The following SKIC3 variants were observed in gnomAD, a reference collection of about 807,000 sequenced individuals.
SKIC3 encodes superkiller complex protein 3.
At chr5:95,482,536 A>G in the SKIC3 span, 1 of 1,614,064 alleles carries the variant, frequency 6.2e-7, no homozygotes, top group Non-Finnish European at 8.5e-7. Flanking sequence ...CAAGTACAGC[A>G]TCTGGGAGTG....
At chr5:95,519,523 T>C in the SKIC3 span, among the ~76,000 whole-genome samples, 773 of 152,036 alleles carry the variant, frequency 5.1e-3, 4 homozygotes, top group Non-Finnish European at 8.3e-3. Flanking sequence ...CTAAATATCT[T>C]AGCAAAATTT....
At chr5:95,494,854 T>A in the SKIC3 span, 10 of 1,598,930 alleles carry the variant, frequency 6.3e-6, no homozygotes, top group Non-Finnish European at 8.6e-6. Context: ...TCAAACTGAC[T>A]AAAAGACTCT....
chr5:95,502,375 G>A, the SKIC3 span, among the ~76,000 whole-genome samples: 77 of 152,236 alleles, frequency 5.1e-4, no homozygotes, highest in African/African-American at 1.8e-3. Context: ...CTTCAGTGAA[G>A]TTAAATAGTA....
chr5:95,484,769 T>A, the SKIC3 span: 2 of 1,614,204 alleles, frequency 1.2e-6, no homozygotes. Flanking sequence ...CTGTGTCTAT[T>A]AGACCAGTGA....
At chr5:95,480,755 A>G in the SKIC3 span, among the ~76,000 whole-genome samples, 3 of 152,346 alleles carry the variant, frequency 2.0e-5, no homozygotes, top group African/African-American at 4.8e-5. Context: ...CATCAACAGT[A>G]AAATGAATAA....
chr5:95,504,043 T>TA, the SKIC3 span: 1 of 1,033,792 alleles, frequency 9.7e-7, no homozygotes, highest in Non-Finnish European at 1.3e-6. Context: ...ACGCGGTGGC[T>TA]CACATCTGTA....
At chr5:95,512,532 G>A in the SKIC3 span, 3 of 1,614,026 alleles carry the variant, frequency 1.9e-6, no homozygotes, top group Non-Finnish European at 2.5e-6. Flanking sequence ...TCTGGAGGAT[G>A]TTGTACTGGT....
chr5:95,523,364 CA>C, the SKIC3 span: 1 of 1,579,630 alleles, frequency 6.3e-7, no homozygotes, highest in Non-Finnish European at 8.7e-7. Flanking sequence ...ATATATTGAA[CA>C]TTATAAAAAG....
At chr5:95,491,878 G>A in the SKIC3 span, among the ~76,000 whole-genome samples, 1 of 151,704 alleles carries the variant, frequency 6.6e-6, no homozygotes, top group Non-Finnish European at 1.5e-5. Context: ...ATCTCACAAG[G>A]GGGTGCTAGT....
the SKIC3 span, among the ~76,000 whole-genome samples, chr5:95,465,280 G>T: frequency 4.6e-5 from 7 of 152,066 alleles, no homozygotes; most frequent in African/African-American, 1.7e-4. Context: ...TTGTTTGTTG[G>T]CTTTGTTAAT....
the SKIC3 span, among the ~76,000 whole-genome samples, chr5:95,518,715 G>A: frequency 2.6e-5 from 4 of 151,980 alleles, no homozygotes; most frequent in African/African-American, 9.6e-5. Flanking sequence ...ATCTGTTGTT[G>A]AATATCTAGG....
chr5:95,484,655 T>C, the SKIC3 span: 1 of 1,608,140 alleles, frequency 6.2e-7, no homozygotes, highest in East Asian at 2.2e-5. Context: ...CCTCATACAT[T>C]CCATTTTTGA....
the SKIC3 span, among the ~76,000 whole-genome samples, chr5:95,546,351 A>AT: frequency 7.4e-6 from 1 of 135,688 alleles, no homozygotes; most frequent in Non-Finnish European, 1.5e-5. Flanking sequence ...AAAAAAAAAA[A>AT]CAAAAAAAAA....
chr5:95,491,143 T>C, the SKIC3 span: 4 of 1,454,768 alleles, frequency 2.7e-6, no homozygotes, highest in East Asian at 1.0e-4. Flanking sequence ...AAATTGTATC[T>C]AAAAAAAAAT....
chr5:95,482,639 T>A, the SKIC3 span: 12 of 1,613,594 alleles, frequency 7.4e-6, no homozygotes, highest in Admixed American at 1.0e-4. Flanking sequence ...ATTCTAGAAA[T>A]CAAATCCCAA....
the SKIC3 span, among the ~76,000 whole-genome samples, chr5:95,505,617 G>T: frequency 6.4e-4 from 97 of 152,138 alleles, no homozygotes; most frequent in African/African-American, 1.6e-3. Flanking sequence ...TTCGAGACCA[G>T]CCTGGCCAAC....
the SKIC3 span, among the ~76,000 whole-genome samples, chr5:95,483,027 C>T: frequency 6.6e-6 from 1 of 152,178 alleles, no homozygotes; most frequent in South Asian, 2.1e-4. Context: ...AGAAAAGAGG[C>T]ATACATTTTT....
chr5:95,477,192 T>C, the SKIC3 span, among the ~76,000 whole-genome samples: 4 of 152,142 alleles, frequency 2.6e-5, no homozygotes, highest in Non-Finnish European at 4.4e-5. Context: ...TGAACTACAA[T>C]TAGTTGGCCA....
At chr5:95,520,634 A>G in the SKIC3 span, 1 of 1,072,038 alleles carries the variant, frequency 9.3e-7, no homozygotes, top group Non-Finnish European at 1.4e-6. Flanking sequence ...TATATCTAGC[A>G]GAATACATAA....
Sources: allele counts gnomAD v4.1 joint callset (sites outside exome capture counted in the v4.1 genomes callset), GRCh38; gene constraint gnomAD v4.1.1; transcripts MANE v1.5; gene names NCBI Gene and HGNC (gene_info 2026-07-23, HGNC 2026-07-21).